The following DLGAP2 variants were observed in gnomAD, a reference collection of about 807,000 sequenced individuals.
DLGAP2 encodes the protein disks large-associated protein 2.
A neutral mutation model predicts 100.3 loss-of-function variants in DLGAP2; 26 were observed. The observed-to-expected ratio is 0.26, with a 90% CI of 0.19 to 0.36. The LOEUF (loss-of-function observed/expected upper bound fraction) is 0.36, where lower values mean the gene tolerates loss of function less well. Among genes scored for constraint, DLGAP2 ranks in the 10% least tolerant of loss-of-function variants. DLGAP2 has a pLI of 1.00. For missense variants in DLGAP2, 1,858 were observed against 1,453.2 expected, an observed-to-expected ratio of 1.28 and a Z score of -4.53; for synonymous variants, 886 against 630.1, an observed-to-expected ratio of 1.41 and a Z score of -6.08.
At chr8:882,781 G>A (rs562610588) in intron 1 of DLGAP2, among the ~76,000 whole-genome samples, 1 of 152,174 alleles carries the variant, frequency 6.6e-6, no homozygotes, top group Non-Finnish European at 1.5e-5. Context: ...CCTCTCCTGC[G>A]GGCAGCCGTG....
In DLGAP2 at chr8:1,561,736, T is replaced by G. The variant is rs2906581; in HGVS notation, c.1231-3947T>G. Among the ~76,000 whole-genome samples, 182 of 82,604 alleles carry G rather than the reference T, an allele frequency of 2.2e-3. 1 individual carries two copies. The highest frequency in any genetic ancestry group is 3.7e-3 in the South Asian group (8 of 2,158). The allele number at this position is 82,604 out of a possible 152,430, so 54.2% of individuals were successfully genotyped here. A position where few individuals can be genotyped will look rare whatever the true frequency, so the allele number is the denominator to read the frequency against. On this transcript the variant is annotated intron_variant, in intron 5 of 14. Transcript: ENST00000637795. ...GGTGTTGGGGTGTCCGCGCCTCGTT[T>G]CTGGGGGACTGTGTGGTGTTGGGGT... is the stretch of plus-strand genomic sequence containing the variant.
intron 3 of DLGAP2, among the ~76,000 whole-genome samples, chr8:1,329,360 A>G (rs1585265025): frequency 6.6e-6 from 1 of 152,204 alleles, no homozygotes; most frequent in East Asian, 1.9e-4. Context: ...TTCATTTAGA[A>G]TTCATACTCC....
At position 1,427,302 on chromosome 8, in the gene DLGAP2, A is replaced by G. The variant is rs144101762; in HGVS notation, c.107-74064A>G. ...GGATATAGATGATTTGAACAACACA[A>G]CGACAAATGTAATATGATAAATATG... On this transcript the variant is annotated intron_variant, in intron 3 of 14. Coordinates refer to ENST00000637795, the MANE Select transcript of DLGAP2 (RefSeq NM_001346810.2). 1.1e-3 allele frequency among the ~76,000 whole-genome samples: 163 copies of G among 152,342 alleles called. 4 individuals are homozygous for G. In the East Asian group the frequency reaches 0.025, roughly 24 times the overall value.
intron 3 of DLGAP2, among the ~76,000 whole-genome samples, chr8:1,303,586 G>T (rs1563072229): frequency 1.3e-5 from 2 of 152,036 alleles, no homozygotes; most frequent in Non-Finnish European, 2.9e-5. Flanking sequence ...TTTTAAAGGT[G>T]TAACTCTCTC....
At chr8:1,052,259 C>G (rs973693686) in intron 2 of DLGAP2, among the ~76,000 whole-genome samples, 2 of 152,222 alleles carry the variant, frequency 1.3e-5, no homozygotes, top group Non-Finnish European at 2.9e-5. Flanking sequence ...GGGGTTTTAC[C>G]TCATTCAGCT....
intron 12 of DLGAP2, chr8:1,688,121 T>C (rs987135745): frequency 6.6e-6 from 1 of 152,200 alleles, no homozygotes; most frequent in Non-Finnish European, 1.5e-5. Context: ...CTCGACCGAC[T>C]GCAGCGGCCC....
intron 3 of DLGAP2, among the ~76,000 whole-genome samples, chr8:1,380,850 G>C (rs575785319): frequency 8.0e-6 from 1 of 125,674 alleles, no homozygotes; most frequent in East Asian, 2.6e-4. Flanking sequence ...TTAAACTTAA[G>C]AAAATAAAGC....
At chr8:946,556 C>G (rs139116860) in intron 2 of DLGAP2, among the ~76,000 whole-genome samples, 14 of 152,304 alleles carry the variant, frequency 9.2e-5, no homozygotes, top group South Asian at 6.2e-4. Flanking sequence ...AGCCACCGCG[C>G]CCGGCCCGTT....
chr8:957,467 T>C lies in DLGAP2; in HGVS notation c.73+49501T>C, dbSNP rs148493248. Among the ~76,000 whole-genome samples, 13 of 152,344 alleles carry C rather than the reference T, an allele frequency of 8.5e-5. No individual in the cohort carries two copies. In the East Asian group the frequency reaches 1.2e-3, roughly 14 times the overall value. ...GACTCCATTATGCTCAGAACTCTCA[T>C]ATGTCCAAAACACCAGCCTAGAGAT... On this transcript the variant is annotated intron_variant, in intron 2 of 14. Transcript: ENST00000637795.
chr8:1,353,256 T>G (rs1046743182), intron 3 of DLGAP2, among the ~76,000 whole-genome samples: 1 of 152,226 alleles, frequency 6.6e-6, no homozygotes, highest in Non-Finnish European at 1.5e-5. Flanking sequence ...GGAGGCTTTC[T>G]CTAGACACAT....
intron 1 of DLGAP2, among the ~76,000 whole-genome samples, chr8:831,151 G>A (rs1467395452): frequency 1.3e-5 from 2 of 151,058 alleles, no homozygotes; most frequent in African/African-American, 2.4e-5. Context: ...GCTGGCCTTG[G>A]CCTCCCAAAG....
intron 2 of DLGAP2, among the ~76,000 whole-genome samples, chr8:1,066,285 G>C (rs556148729): frequency 6.6e-6 from 1 of 150,622 alleles, no homozygotes; most frequent in Admixed American, 6.6e-5. Context: ...TCCCCACCAC[G>C]GTCAGGTCTG....
chr8:1,522,039 G>T (rs542950634), intron 4 of DLGAP2, among the ~76,000 whole-genome samples: 1 of 150,966 alleles, frequency 6.6e-6, no homozygotes, highest in African/African-American at 2.4e-5. Flanking sequence ...GGCGTCTCTG[G>T]TTTGCACACT....
At chr8:1,267,608 T>TAAAAAAA (rs1205109559) in intron 3 of DLGAP2, among the ~76,000 whole-genome samples, 1 of 99,038 alleles carries the variant, frequency 1.0e-5, no homozygotes, top group African/African-American at 5.8e-5. Context: ...TAAGATAAGA[T>TAAAAAAA]AAGATAAGAT....
rs1801497857 is a variant in DLGAP2 at position 1,344,160 on chromosome 8, T to TCC, written c.106+85278_106+85279insCC. On this transcript the variant is annotated intron_variant, in intron 3 of 14. Coordinates refer to ENST00000637795, the MANE Select transcript of DLGAP2 (RefSeq NM_001346810.2). ...CGTGTACTCGGGGCCCTGTCGTGGG[T>TCC]CTTTGTACTCGGGGCGCTGTCGTGG... Among the ~76,000 whole-genome samples the TCC allele has an allele frequency of 3.3e-5, 5 of 150,972 alleles. No homozygotes were observed. The South Asian group carries it at 6.3e-4, about 19-fold the overall frequency.
rs1003527474 is a variant in DLGAP2, at chr8:1,668,454, C to T, written c.1936C>T (p.Arg646Cys). Reference sequence around the variant, plus strand: ...CACCCAGGACGCCTACCAGGACAGCCGCGCACAGAGGATGTCCCCGTGGCC... The same window carrying T: ...CACCCAGGACGCCTACCAGGACAGCTGCGCACAGAGGATGTCCCCGTGGCC... Reference protein sequence around the residue: ...ESTQDAYQDSRAQRMSPWPQD... With the variant: ...ESTQDAYQDSCAQRMSPWPQD... Residue 646 changes from arginine (R) to cysteine (C), a missense_variant, in exon 9 of 15, where the codon CGC becomes TGC. By Grantham distance (180) the Arg-to-Cys change is radical. Coordinates refer to ENST00000637795, the MANE Select transcript of DLGAP2 (RefSeq NM_001346810.2). The T allele has an allele frequency of 5.6e-6, 9 of 1,596,556 alleles. No individual in the cohort carries two copies. The highest frequency in any genetic ancestry group is 4.0e-5 in the African/African-American group (3 of 74,358).
intron 4 of DLGAP2, among the ~76,000 whole-genome samples, chr8:1,537,878 G>A (rs1444891567): frequency 6.6e-6 from 1 of 152,216 alleles, no homozygotes; most frequent in Non-Finnish European, 1.5e-5. Flanking sequence ...AAATTTAGGT[G>A]GGAGAGTTTA....
In DLGAP2 at chr8:1,633,980, A is replaced by G. The variant is rs368905781; in HGVS notation, c.1810+934A>G. Among the ~76,000 whole-genome samples, 8 of 152,246 alleles carry G rather than the reference A, an allele frequency of 5.3e-5. No homozygotes were observed. In the East Asian group the frequency reaches 5.8e-4, roughly 11 times the overall value. The stretch of plus-strand genomic sequence containing the variant: ...TGTGAATAGGTCTTGGTTTGTTTCA[A>G]TGCTAAAGTGAACAAGAAATCCAGG... On this transcript the variant is annotated intron_variant, in intron 8 of 14. Transcript: ENST00000637795.
At chr8:1,438,777 T>G (rs1285857062) in intron 3 of DLGAP2, among the ~76,000 whole-genome samples, 1 of 152,212 alleles carries the variant, frequency 6.6e-6, no homozygotes, top group Non-Finnish European at 1.5e-5. Context: ...GGCAGCAGGC[T>G]CTAAAGATAT....
Sources: allele counts gnomAD v4.1 joint callset (sites outside exome capture counted in the v4.1 genomes callset), GRCh38; gene constraint gnomAD v4.1.1; transcripts MANE v1.5; gene names NCBI Gene and HGNC (gene_info 2026-07-23, HGNC 2026-07-21).